ADAMTS12: variants seen among roughly 807,000 people sequenced by gnomAD.
ADAMTS12 encodes ADAM metallopeptidase with thrombospondin type 1 motif 12, also known as A disintegrin and metalloproteinase with thrombospondin motifs 12.
In ADAMTS12, 118 loss-of-function variants were observed where a neutral mutation model predicts 167.8. The observed-to-expected ratio is 0.70, with a 90% CI of 0.61 to 0.82. The LOEUF is 0.82. Ranked by LOEUF, ADAMTS12 falls within the 40% of genes least tolerant of loss-of-function variation. The pLI, the probability that ADAMTS12 is intolerant of heterozygous loss-of-function variation, is 0.00. For synonymous variants in ADAMTS12, 704 were observed against 716.9 expected (o/e 0.98, Z 0.29); for missense variants, 1,916 against 1,998.8 (o/e 0.96, Z 0.79).
At chr5:33,817,773 T>C (rs1485766477) in intron 2 of ADAMTS12, among the ~76,000 whole-genome samples, 1 of 152,196 alleles carries the variant, frequency 6.6e-6, no homozygotes, top group African/African-American at 2.4e-5. Context: ...AATTCTTTAA[T>C]TTATCAAATA....
At chr5:33,701,510 A>G (rs76216953) in intron 3 of ADAMTS12, among the ~76,000 whole-genome samples, 4,815 of 152,256 alleles carry the variant, frequency 0.032, 263 homozygotes, top group African/African-American at 0.11. Flanking sequence ...CACCCACCCC[A>G]GCATAGTTCC....
intron 18 of ADAMTS12, among the ~76,000 whole-genome samples, chr5:33,581,944 C>G (rs1211332611): frequency 6.6e-6 from 1 of 152,062 alleles, no homozygotes; most frequent in Non-Finnish European, 1.5e-5. Context: ...CAAAGATTGA[C>G]GTCAAACCAC....
intron 2 of ADAMTS12, among the ~76,000 whole-genome samples, chr5:33,800,211 T>C (rs1233820008): frequency 6.6e-6 from 1 of 152,168 alleles, no homozygotes; most frequent in Admixed American, 6.5e-5. Context: ...AAAATAATTG[T>C]GGAGATGTTA....
intron 2 of ADAMTS12, among the ~76,000 whole-genome samples, chr5:33,813,550 G>A (rs905581292): frequency 6.6e-6 from 1 of 152,210 alleles, no homozygotes; most frequent in Admixed American, 6.5e-5. Context: ...GTAGAATACA[G>A]TAGAAATTAT....
At chr5:33,874,542 A>C (rs1750156031) in intron 2 of ADAMTS12, among the ~76,000 whole-genome samples, 1 of 152,226 alleles carries the variant, frequency 6.6e-6, no homozygotes, top group African/African-American at 2.4e-5. Flanking sequence ...AAGACTAAAC[A>C]TACTCGTACC....
At chr5:33,696,137 T>G (rs1470898446) in intron 3 of ADAMTS12, among the ~76,000 whole-genome samples, 1 of 152,150 alleles carries the variant, frequency 6.6e-6, no homozygotes, top group Non-Finnish European at 1.5e-5. Context: ...ATTAACAAAT[T>G]ATAGCTGGGC....
chr5:33,888,924 C>A (rs1212155507), intron 1 of ADAMTS12, among the ~76,000 whole-genome samples: 2 of 152,088 alleles, frequency 1.3e-5, no homozygotes, highest in Non-Finnish European at 2.9e-5. Context: ...GTTTCTAGTC[C>A]CAGAAAGGAC....
At chr5:33,865,186 C>A (rs777171723) in intron 2 of ADAMTS12, among the ~76,000 whole-genome samples, 3 of 151,972 alleles carry the variant, frequency 2.0e-5, no homozygotes, top group Non-Finnish European at 4.4e-5. Context: ...AAAAGAACTA[C>A]AAACCAATAT....
chr5:33,891,618 ATGGCTTTT>A, intron 1 of ADAMTS12, 104 bp downstream of exon 1: 1 of 1,512,392 alleles, frequency 6.6e-7, no homozygotes, highest in East Asian at 2.3e-5. Context: ...ACGCAGCCAA[ATGGCTTTT>A]CAGAGTTCAG....
intron 3 of ADAMTS12, among the ~76,000 whole-genome samples, chr5:33,686,356 C>T (rs1742323657): frequency 6.6e-6 from 1 of 152,162 alleles, no homozygotes. Context: ...AGCCTCAGTC[C>T]CCACCCTCAG....
intron 22 of ADAMTS12, among the ~76,000 whole-genome samples, chr5:33,544,350 T>C (rs966005487): frequency 2.6e-5 from 4 of 151,908 alleles, no homozygotes; most frequent in African/African-American, 9.7e-5. Flanking sequence ...CACTGCTCAA[T>C]GAAATAAAAG....
At chr5:33,611,529 A>G (rs1738730208) in intron 16 of ADAMTS12, among the ~76,000 whole-genome samples, 1 of 152,162 alleles carries the variant, frequency 6.6e-6, no homozygotes, top group Admixed American at 6.5e-5. Context: ...TTTGTAACCC[A>G]TTTACTATGG....
At chr5:33,578,029 C>T (rs1267342847) in intron 18 of ADAMTS12, among the ~76,000 whole-genome samples, 1 of 152,180 alleles carries the variant, frequency 6.6e-6, no homozygotes, top group African/African-American at 2.4e-5. Context: ...CTATAAAACA[C>T]TAAATGTCTA....
intron 3 of ADAMTS12, among the ~76,000 whole-genome samples, chr5:33,750,283 G>T (rs536808263): frequency 7.2e-5 from 11 of 152,362 alleles, no homozygotes; most frequent in African/African-American, 2.6e-4. Flanking sequence ...TAAAGCAGTT[G>T]TGTGTTTTTG....
At chr5:33,735,001 G>A (rs1213448122) in intron 3 of ADAMTS12, among the ~76,000 whole-genome samples, 1 of 152,156 alleles carries the variant, frequency 6.6e-6, no homozygotes, top group Non-Finnish European at 1.5e-5. Context: ...AAAGTCTTTT[G>A]ATTTTTAACC....
intron 2 of ADAMTS12, among the ~76,000 whole-genome samples, chr5:33,839,957 G>C (rs577351267): frequency 6.6e-6 from 1 of 152,282 alleles, no homozygotes; most frequent in African/African-American, 2.4e-5. Flanking sequence ...AAAAGAAGAC[G>C]GTTTGGGCAT....
At chr5:33,660,310 C>T (rs1741211363) in intron 6 of ADAMTS12, among the ~76,000 whole-genome samples, 1 of 152,092 alleles carries the variant, frequency 6.6e-6, no homozygotes, top group Non-Finnish European at 1.5e-5. Context: ...CCCAATTGTA[C>T]CCGTTAACAG....
intron 2 of ADAMTS12, among the ~76,000 whole-genome samples, chr5:33,800,305 C>A (rs1453277616): frequency 6.6e-6 from 1 of 152,070 alleles, no homozygotes; most frequent in Admixed American, 6.5e-5. Context: ...CGTCCCTGCC[C>A]AAAGACCTTA....
intron 9 of ADAMTS12, among the ~76,000 whole-genome samples, chr5:33,646,595 T>A (rs939443181): frequency 6.6e-6 from 1 of 152,184 alleles, no homozygotes; most frequent in Non-Finnish European, 1.5e-5. Context: ...CATTTTAAAT[T>A]GACCCAGAGA....
Sources: gnomAD v4.1 joint callset for allele counts (sites outside exome capture counted in the v4.1 genomes callset) on GRCh38, gnomAD v4.1.1 for gene constraint, MANE v1.5 for transcripts, NCBI Gene and HGNC (gene_info 2026-07-23, HGNC 2026-07-21) for gene names.